Variants in RUFY3 observed in about 807,000 individuals in gnomAD.
RUFY3 encodes protein RUFY3.
RUFY3 carries 34 observed loss-of-function variants against 84.0 expected under a neutral mutation model. The observed-to-expected ratio is 0.40, with a 90% CI of 0.31 to 0.54. RUFY3 has a LOEUF of 0.54. RUFY3 is among the 20% of genes least tolerant of loss of function. The probability of loss-of-function intolerance (pLI) is 0.39; values close to 1 mark genes in which losing one functional copy is unlikely to be tolerated. For synonymous variants in RUFY3, 242 were observed against 252.9 expected, an observed-to-expected ratio of 0.96 and a Z score of 0.41; for missense variants, 507 against 736.8, an observed-to-expected ratio of 0.69 and a Z score of 3.61.
intron 6 of RUFY3, 50 bp from the exon 7 acceptor site, chr4:70,775,118 G>A (rs1578173717): frequency 1.4e-6 from 2 of 1,409,348 alleles, no homozygotes; most frequent in South Asian, 2.5e-5. Context: ...TGGGATCTTG[G>A]TATTTCTTAT....
chr4:70,745,646 T>C (rs1473735845), intron 1 of RUFY3, among the ~76,000 whole-genome samples: 3 of 152,142 alleles, frequency 2.0e-5, no homozygotes, highest in Non-Finnish European at 4.4e-5. Context: ...CCTACCAAAA[T>C]TGCATACTGG....
In RUFY3 at chr4:70,768,525, A is replaced by T. The variant is rs1033781491; in HGVS notation, c.573-13A>T. On this transcript the variant is annotated splice_polypyrimidine_tract_variant and intron_variant, in intron 4 of 17. Coordinates refer to ENST00000381006, the MANE Select transcript of RUFY3 (RefSeq NM_001037442.4). ...TTTGTTACAATAAGGAATTCTGTGG[A>T]TTTCTCTTACAGTGAATTCTACGAA... is the stretch of plus-strand genomic sequence containing the variant. The T allele has an allele frequency of 6.2e-7, 1 of 1,606,204 alleles. No homozygotes were observed. The highest frequency in any genetic ancestry group is 8.5e-7 in the Non-Finnish European group (1 of 1,178,040).
chr4:70,744,288 T>C (rs1051187125), intron 1 of RUFY3, among the ~76,000 whole-genome samples: 8 of 151,822 alleles, frequency 5.3e-5, no homozygotes, highest in African/African-American at 1.9e-4. Flanking sequence ...AGCCTCGAAC[T>C]CCCAGGCTCC....
chr4:70,800,184 A>T lies in RUFY3; in HGVS notation c.1601A>T (p.Lys534Met). The T allele has an allele frequency of 6.2e-7, 1 of 1,606,532 alleles. No individual in the cohort carries two copies. Among genetic ancestry groups the T allele is most frequent in the Non-Finnish European group, 8.5e-7 (1 of 1,178,146 alleles). The change falls in exon 15 of 18, where the codon AAG (lysine) becomes ATG (methionine). Residue 534 changes from lysine to methionine, a missense_variant. Physicochemically the swap from Lys to Met is moderately conservative, Grantham distance 95. Transcript: ENST00000381006. ...CAAGAGGAAAATGTTAAACTAAAAA[A>T]GCCCCTGGAAGAAAGCCACAGGTGT... ...KMQEENVKLK[K>M]PLEESHRLQP...
rs1414268339 is a variant in RUFY3 at position 70,807,491 on chromosome 4, T to C, written c.*832T>C. The stretch of plus-strand genomic sequence containing the variant: ...GGCTTTTGCAAATAGAAGATATTGA[T>C]TAAAGCAAAGTCAAATATAGAGTAA... On this transcript the variant is annotated 3_prime_UTR_variant, in exon 18 of 18. Coordinates refer to ENST00000381006, the MANE Select transcript of RUFY3 (RefSeq NM_001037442.4). Among the ~76,000 whole-genome samples the C allele has an allele frequency of 6.6e-6, 1 of 152,186 alleles. No homozygotes were observed. Among genetic ancestry groups the C allele is most frequent in the Non-Finnish European group, 1.5e-5 (1 of 68,030 alleles).
chr4:70,788,044 T>C (rs1219603830), intron 10 of RUFY3, among the ~76,000 whole-genome samples: 2 of 148,712 alleles, frequency 1.3e-5, no homozygotes, highest in Non-Finnish European at 3.0e-5. Context: ...CCCAGCACTT[T>C]GGGAGGCTGA....
intron 15 of RUFY3, among the ~76,000 whole-genome samples, chr4:70,801,250 G>A (rs1189238519): frequency 6.6e-6 from 1 of 151,824 alleles, no homozygotes; most frequent in African/African-American, 2.4e-5. Flanking sequence ...TTAGGGCAGT[G>A]GACTACTCTG....
Position 70,807,727 on chromosome 4 carries a change from C to G in RUFY3, c.*1068C>G, listed in dbSNP as rs997599942. 5.3e-5 allele frequency among the ~76,000 whole-genome samples: 8 copies of G among 151,042 alleles called. No homozygotes were observed. Among genetic ancestry groups the G allele is most frequent in the African/African-American group, 2.0e-4 (8 of 40,954 alleles). On this transcript the variant is annotated 3_prime_UTR_variant, in exon 18 of 18. Coordinates refer to ENST00000381006, the MANE Select transcript of RUFY3 (RefSeq NM_001037442.4). ...GGTTGCTCAGCCTGGTCTCAAACTC[C>G]TGGGCTTAAGCAGTCCTCCCACCTT... is the stretch of plus-strand genomic sequence containing the variant.
Position 70,803,573 on chromosome 4 carries a change from C to T in RUFY3, c.1650+590C>T, listed in dbSNP as rs547198862. On this transcript the variant is annotated intron_variant, in intron 16 of 17. Coordinates refer to ENST00000381006, the MANE Select transcript of RUFY3 (RefSeq NM_001037442.4). ...AGCTTAGGCAGTCCTCCCACTTCTG[C>T]CTCCCGAGTAGCTAGGGCTGCAGAG... 3.1e-3 allele frequency among the ~76,000 whole-genome samples: 467 copies of T among 152,176 alleles called. 3 individuals carry two copies. The highest frequency in any genetic ancestry group is 3.3e-3 in the Non-Finnish European group (227 of 68,000).
At chr4:70,737,455 C>T (rs2148633732) in intron 1 of RUFY3, among the ~76,000 whole-genome samples, 1 of 152,236 alleles carries the variant, frequency 6.6e-6, no homozygotes, top group East Asian at 1.9e-4. Flanking sequence ...CCACAGTGTC[C>T]AGTCCTGTGG....
chr4:70,804,425 GAT>G lies in RUFY3; in HGVS notation c.1719+10_1719+11del. 6.2e-7 allele frequency: 1 copy of G among 1,612,824 alleles called. No homozygotes were observed. Among genetic ancestry groups the G allele is most frequent in the South Asian group, 1.1e-5 (1 of 91,006 alleles). ...ACGGCAGCCTAACAAAGGTAACTGT[GAT>G]GAGAAACGGACAGGCTTTTCATAGG... is the stretch of plus-strand genomic sequence containing the variant. On this transcript the variant is annotated intron_variant, in intron 17 of 17. Transcript: ENST00000381006.
intron 1 of RUFY3, among the ~76,000 whole-genome samples, chr4:70,712,541 G>C (rs1741107561): frequency 6.6e-6 from 1 of 152,112 alleles, no homozygotes; most frequent in African/African-American, 2.4e-5. Context: ...ACTATATTCT[G>C]TCTTGTATCT....
chr4:70,735,714 C>T (rs376200317), intron 1 of RUFY3, among the ~76,000 whole-genome samples: 8 of 151,958 alleles, frequency 5.3e-5, no homozygotes, highest in African/African-American at 1.9e-4. Context: ...CTGCTGGGCA[C>T]TGTGGCTCAT....
At chr4:70,774,896 G>A (rs1209086982) in intron 6 of RUFY3, among the ~76,000 whole-genome samples, 2 of 151,690 alleles carry the variant, frequency 1.3e-5, no homozygotes, top group Admixed American at 6.6e-5. Flanking sequence ...CTAATAGATT[G>A]CAACATCATA....
intron 1 of RUFY3, chr4:70,741,616 C>T (rs1306148133): frequency 9.2e-6 from 14 of 1,515,962 alleles, no homozygotes; most frequent in African/African-American, 2.8e-5. Context: ...TTCTTTTTGC[C>T]GTTTGCAAAG....
chr4:70,749,062 TTTTTC>T (rs571578972), intron 1 of RUFY3, among the ~76,000 whole-genome samples: 21 of 152,336 alleles, frequency 1.4e-4, no homozygotes, highest in Non-Finnish European at 2.2e-4. Flanking sequence ...ATTTACATTG[TTTTTC>T]TTTTCTTTTC....
chr4:70,716,268 C>T (rs1741599002), intron 1 of RUFY3, among the ~76,000 whole-genome samples: 1 of 151,942 alleles, frequency 6.6e-6, no homozygotes, highest in African/African-American at 2.4e-5. Flanking sequence ...GCTTCAGTCC[C>T]CTGAGTAGCT....
chr4:70,764,559 T>C lies in RUFY3; in HGVS notation c.555T>C (p.Asn185=). The change falls in exon 4 of 18, where the codon AAT becomes AAC. Residue 185 remains asparagine, a synonymous_variant. Transcript: ENST00000381006. ...CAGAATATATGAAAGCTTTGATCAA[T>C]AAGAAAGAACTTCTCAGGTATGAAC... ...KLSEYMKALI[N]KKELLSEFYE... The C allele has an allele frequency of 6.2e-7, 1 of 1,609,748 alleles. No individual in the cohort carries two copies. The highest frequency in any genetic ancestry group is 8.5e-7 in the Non-Finnish European group (1 of 1,176,638).
chr4:70,771,236 G>A (rs1726896268), intron 5 of RUFY3, among the ~76,000 whole-genome samples: 1 of 152,090 alleles, frequency 6.6e-6, no homozygotes, highest in Non-Finnish European at 1.5e-5. Flanking sequence ...GCATGACGCA[G>A]GGTTGCCACA....
Sources: gnomAD v4.1 joint callset for allele counts (sites outside exome capture counted in the v4.1 genomes callset) on GRCh38, gnomAD v4.1.1 for gene constraint, MANE v1.5 for transcripts, NCBI Gene and HGNC (gene_info 2026-07-23, HGNC 2026-07-21) for gene names.